KAZN: variants seen among roughly 807,000 people sequenced by gnomAD.
KAZN encodes kazrin.
KAZN carries 40 observed loss-of-function variants against 87.4 expected under a neutral mutation model. The ratio of observed to expected loss-of-function variants is 0.46; its 90% CI spans 0.36 to 0.60. The LOEUF is 0.60. Ranked by LOEUF, KAZN falls within the 20% of genes least tolerant of loss-of-function variation. The pLI is 0.00. For missense variants in KAZN, 898 were observed against 1,073.9 expected (o/e 0.84, Z 2.29); for synonymous variants, 466 against 458.3 (o/e 1.02, Z -0.22).
At chr1:14,499,107 C>A (rs1347119099) in intron 2 of KAZN, among the ~76,000 whole-genome samples, 3 of 152,110 alleles carry the variant, frequency 2.0e-5, no homozygotes, top group Non-Finnish European at 4.4e-5. Context: ...ATCTAGGAAT[C>A]TGTAAATATT....
At chr1:14,727,450 C>CTTTTTTTTTTTTTTTTT (rs57203868) in intron 1 of KAZN, among the ~76,000 whole-genome samples, 8 of 73,916 alleles carry the variant, frequency 1.1e-4, no homozygotes, top group Non-Finnish European at 2.1e-4. Flanking sequence ...TGTGCACTTT[C>CTTTTTTTTTTTTTTTTT]TTTTTTTTTT....
In KAZN at chr1:14,790,930, G is replaced by T. The variant is rs143845832; in HGVS notation, c.227-169754G>T. Among the ~76,000 whole-genome samples, 42 of 152,272 alleles carry T rather than the reference G, an allele frequency of 2.8e-4. 3 individuals carry two copies. The highest frequency in any genetic ancestry group is 1.0e-3 in the African/African-American group (42 of 41,568). ...TGATCTCGAACTCCTGAGCTCAAGC[G>T]ATCCTCCAGCCTTGGCCTCTGAAAG... is the stretch of plus-strand genomic sequence containing the variant. On this transcript the variant is annotated intron_variant, in intron 1 of 14. Coordinates refer to ENST00000376030, the MANE Select transcript of KAZN (RefSeq NM_201628.3).
chr1:14,783,762 G>T (rs972015889), intron 1 of KAZN, among the ~76,000 whole-genome samples: 1 of 152,160 alleles, frequency 6.6e-6, no homozygotes, highest in African/African-American at 2.4e-5. Flanking sequence ...GGCAGGCACG[G>T]CAGAGGGGCT....
At chr1:14,765,442 G>A (rs964258742) in intron 1 of KAZN, among the ~76,000 whole-genome samples, 1 of 152,202 alleles carries the variant, frequency 6.6e-6, no homozygotes, top group Non-Finnish European at 1.5e-5. Flanking sequence ...TCTGGGGTAT[G>A]GTCCTTGTCC....
At chr1:14,834,040 G>T (rs967296867) in intron 1 of KAZN, among the ~76,000 whole-genome samples, 23 of 150,192 alleles carry the variant, frequency 1.5e-4, no homozygotes, top group African/African-American at 5.4e-4. Flanking sequence ...TATATTTTTT[G>T]TTGTTGTTGT....
chr1:15,109,743 TTG>T (rs1246914513), intron 13 of KAZN, among the ~76,000 whole-genome samples: 176 of 149,372 alleles, frequency 1.2e-3, no homozygotes, highest in African/African-American at 4.2e-3. Context: ...GTATGTGTGT[TTG>T]TGTTTGTATG....
intron 2 of KAZN, among the ~76,000 whole-genome samples, chr1:14,436,734 A>AAAAAAAAAAAAAAAAACAAAAAC (rs563539375): frequency 7.3e-5 from 10 of 137,366 alleles, no homozygotes; most frequent in East Asian, 2.1e-4. Flanking sequence ...AAAAAAAAAA[A>AAAAAAAAAAAAAAAAACAAAAAC]AAAACCTTAA....
chr1:14,419,269 A>G (rs1265421438), intron 2 of KAZN, among the ~76,000 whole-genome samples: 1 of 152,180 alleles, frequency 6.6e-6, no homozygotes, highest in Non-Finnish European at 1.5e-5. Flanking sequence ...AAATTCAGTG[A>G]CTTTCCCAAA....
At chr1:14,459,260 C>T (rs2486767) in intron 2 of KAZN, among the ~76,000 whole-genome samples, 7,008 of 118,104 alleles carry the variant, frequency 0.059, 483 homozygotes, top group African/African-American at 0.19. Context: ...TGTGTGTGCG[C>T]GTGTGTGTGT....
intron 1 of KAZN, among the ~76,000 whole-genome samples, chr1:14,811,830 T>A (rs1646419842): frequency 6.6e-6 from 1 of 152,196 alleles, no homozygotes; most frequent in African/African-American, 2.4e-5. Flanking sequence ...TGATCCCTGT[T>A]GCACGGGGGA....
At chr1:14,145,295 A>G (rs981661291) in intron 1 of KAZN, among the ~76,000 whole-genome samples, 6 of 152,062 alleles carry the variant, frequency 3.9e-5, no homozygotes, top group African/African-American at 1.4e-4. Context: ...AAATTTAAAA[A>G]TTAGCCGGGC....
intron 1 of KAZN, among the ~76,000 whole-genome samples, chr1:14,887,415 C>T (rs1023148661): frequency 2.0e-5 from 3 of 152,226 alleles, no homozygotes; most frequent in Non-Finnish European, 2.9e-5. Flanking sequence ...TATGATGTTA[C>T]TGACAACCCA....
chr1:14,405,079 T>A (rs996573558), intron 2 of KAZN, among the ~76,000 whole-genome samples: 4 of 152,202 alleles, frequency 2.6e-5, no homozygotes, highest in African/African-American at 7.2e-5. Flanking sequence ...GCAGTGTGTG[T>A]GAATAAACCC....
At chr1:13,948,407 C>G (rs561382661) in intron 1 of KAZN, among the ~76,000 whole-genome samples, 8 of 152,356 alleles carry the variant, frequency 5.3e-5, no homozygotes, top group Admixed American at 2.6e-4. Context: ...GCGGGGCACT[C>G]ATTCTCTCTC....
chr1:14,828,225 ATCT>A (rs749312813), intron 1 of KAZN, among the ~76,000 whole-genome samples: 4 of 152,252 alleles, frequency 2.6e-5, no homozygotes, highest in Non-Finnish European at 5.9e-5. Context: ...ATTAATAAAC[ATCT>A]TCTCTTTTAA....
intron 1 of KAZN, among the ~76,000 whole-genome samples, chr1:14,782,688 G>A (rs1645394424): frequency 1.3e-5 from 2 of 151,292 alleles, no homozygotes; most frequent in African/African-American, 4.9e-5. Flanking sequence ...ATATACCTAA[G>A]TTTCTATGGA....
rs1484547813 is a variant in KAZN at position 15,117,400 on chromosome 1, G to A, written c.*2765G>A. The A allele has an allele frequency of 6.6e-6, 1 of 152,298 alleles. No homozygotes were observed. Among genetic ancestry groups the A allele is most frequent in the East Asian group, 1.9e-4 (1 of 5,196 alleles). 9.4% of individuals were successfully genotyped at this position (152,298 alleles called of 1,614,324 possible). A position where few individuals can be genotyped will look rare whatever the true frequency, so the allele number is the denominator to read the frequency against. ...AGCTTTCTGACCCCCAGGAGCCTCT[G>A]CGAGGCCCCTTTGTCCTTGGCTGAG... On this transcript the variant is annotated 3_prime_UTR_variant, in exon 15 of 15. Transcript: ENST00000376030.
chr1:13,947,856 C>T (rs1316287415), intron 1 of KAZN, among the ~76,000 whole-genome samples: 2 of 152,134 alleles, frequency 1.3e-5, no homozygotes, highest in Non-Finnish European at 2.9e-5. Flanking sequence ...GGATCAGAGC[C>T]CATCCTCAGG....
rs185583427 is a variant in KAZN, at chr1:14,218,417, A to G, written c.249+37825A>G. Among the ~76,000 whole-genome samples the G allele has an allele frequency of 2.1e-3, 317 of 152,280 alleles. 1 individual carries two copies. Among genetic ancestry groups the G allele is most frequent in the African/African-American group, 7.2e-3 (301 of 41,582 alleles). On this transcript the variant is annotated intron_variant, in intron 2 of 16. Transcript: ENST00000636203. ...TTGAAATACTATTTCCCACTAAAAG[A>G]AAACAGCTATTCTTGGGAAATTAGA...
Sources: allele counts gnomAD v4.1 joint callset (sites outside exome capture counted in the v4.1 genomes callset), GRCh38; gene constraint gnomAD v4.1.1; transcripts MANE v1.5; gene names NCBI Gene and HGNC (gene_info 2026-07-23, HGNC 2026-07-21).